FYB2: variants seen among roughly 807,000 people sequenced by gnomAD.
FYB2 encodes the protein FYN binding protein 2, also known as FYN-binding protein 2.
In FYB2, 103 loss-of-function variants were observed where a neutral mutation model predicts 94.1. That is an observed-to-expected ratio of 1.09 (90% CI 0.93 to 1.29). The LOEUF (loss-of-function observed/expected upper bound fraction) is 1.29, where lower values mean the gene tolerates loss of function less well. Ranked by LOEUF, FYB2 falls within the 50% of genes most tolerant of loss-of-function variation. The pLI is 0.00. For missense variants in FYB2, 896 were observed against 841.5 expected (o/e 1.06, Z -0.80); for synonymous variants, 293 against 287.9 (o/e 1.02, Z -0.18).
intron 9 of FYB2, among the ~76,000 whole-genome samples, chr1:56,744,811 G>T (rs746660272): frequency 1.3e-5 from 2 of 151,954 alleles, no homozygotes; most frequent in East Asian, 3.9e-4. Context: ...GTAGATGCTG[G>T]CTTACTTCAC....
chr1:56,822,276 C>T (rs2101142504), upstream of FYB2, among the ~76,000 whole-genome samples: 1 of 152,312 alleles, frequency 6.6e-6, no homozygotes. Flanking sequence ...AGGCTGACTT[C>T]AGAGACCATG....
At chr1:56,767,101 G>A (rs1184635686) in intron 5 of FYB2, among the ~76,000 whole-genome samples, 2 of 152,172 alleles carry the variant, frequency 1.3e-5, no homozygotes, top group African/African-American at 4.8e-5. Context: ...TGTACATGGG[G>A]AACCTAACAC....
chr1:56,763,592 T>A (rs1645551703), intron 5 of FYB2, among the ~76,000 whole-genome samples: 1 of 152,234 alleles, frequency 6.6e-6, no homozygotes. Context: ...GAGTCTATAA[T>A]GATATCCCTG....
intron 1 of FYB2, among the ~76,000 whole-genome samples, chr1:56,796,884 A>T (rs1440997446): frequency 6.6e-6 from 1 of 152,208 alleles, no homozygotes; most frequent in Non-Finnish European, 1.5e-5. Context: ...GTCATCTCAA[A>T]ATATTTGTTG....
intron 1 of FYB2, among the ~76,000 whole-genome samples, chr1:56,793,471 A>G (rs954152499): frequency 3.9e-5 from 6 of 152,216 alleles, no homozygotes; most frequent in African/African-American, 1.4e-4. Context: ...GACAAAGGAC[A>G]TAAACAGAAA....
At chr1:56,809,156 G>A (rs187118725) in intron 1 of FYB2, among the ~76,000 whole-genome samples, 4 of 152,180 alleles carry the variant, frequency 2.6e-5, no homozygotes, top group Non-Finnish European at 5.9e-5. Context: ...GGTGACAGTG[G>A]TGAACAAATG....
At chr1:56,755,765 G>A (rs574767122) in intron 7 of FYB2, 131 bp downstream of exon 7, 1 of 855,656 alleles carries the variant, frequency 1.2e-6, no homozygotes, top group African/African-American at 1.7e-5. Context: ...TAGGCACCTT[G>A]CAAGGTGCCG....
chr1:56,804,934 C>T (rs61765544), intron 1 of FYB2, among the ~76,000 whole-genome samples: 29,792 of 152,102 alleles, frequency 0.2, 3,706 homozygotes, highest in Non-Finnish European at 0.27. Flanking sequence ...CTAACTCACC[C>T]CTGCAGTAAA....
chr1:56,770,432 T>C (rs1645727478), intron 4 of FYB2, among the ~76,000 whole-genome samples: 1 of 152,100 alleles, frequency 6.6e-6, no homozygotes, highest in Non-Finnish European at 1.5e-5. Context: ...AAGAAGATAA[T>C]ACAATTTTGA....
intron 4 of FYB2, among the ~76,000 whole-genome samples, chr1:56,784,805 A>C (rs559332401): frequency 6.6e-6 from 1 of 152,302 alleles, no homozygotes; most frequent in East Asian, 1.9e-4. Context: ...TCTCAGATCA[A>C]CTACATGTCA....
Position 56,719,774 on chromosome 1 carries a change from G to C in FYB2, c.2166-82C>G, listed in dbSNP as rs998988549. Reference sequence around the variant, plus strand: ...AGTGGGAGATTTCTAGGGAATTTCTGATCTAGTTTAATATGTTTGTGTTCT... The same window carrying C: ...AGTGGGAGATTTCTAGGGAATTTCTCATCTAGTTTAATATGTTTGTGTTCT... On this transcript the variant is annotated intron_variant, in intron 19 of 19. Coordinates refer to ENST00000343433, the MANE Select transcript of FYB2 (RefSeq NM_001004303.5). 3.1e-6 allele frequency: 4 copies of C among 1,284,722 alleles called. No homozygotes were observed. In the Admixed American group the frequency reaches 6.0e-5, roughly 19 times the overall value. The allele number at this position is 1,284,722 out of a possible 1,614,324, so 79.6% of individuals were successfully genotyped here.
intron 5 of FYB2, among the ~76,000 whole-genome samples, chr1:56,767,381 C>T (rs1227103946): frequency 6.6e-6 from 1 of 152,170 alleles, no homozygotes; most frequent in African/African-American, 2.4e-5. Context: ...ATCCCCTGCT[C>T]CTATTCAGAC....
chr1:56,821,262 G>A (rs982353596), upstream of FYB2, among the ~76,000 whole-genome samples: 1 of 152,224 alleles, frequency 6.6e-6, no homozygotes, highest in Non-Finnish European at 1.5e-5. Context: ...AGTGGGTGGA[G>A]CAGGGCAGCA....
At chr1:56,791,391 G>T (rs1048110428) in intron 2 of FYB2, among the ~76,000 whole-genome samples, 1 of 152,018 alleles carries the variant, frequency 6.6e-6, no homozygotes, top group African/African-American at 2.4e-5. Flanking sequence ...GAGTAGCTGG[G>T]ATTACAGGCA....
intron 16 of FYB2, among the ~76,000 whole-genome samples, chr1:56,724,738 T>A (rs549975160): frequency 3.9e-5 from 6 of 152,174 alleles, no homozygotes; most frequent in African/African-American, 1.2e-4. Context: ...TCCCTACACA[T>A]TACAATGTCT....
At chr1:56,745,728 G>A (rs1233816035) in intron 9 of FYB2, among the ~76,000 whole-genome samples, 1 of 151,898 alleles carries the variant, frequency 6.6e-6, no homozygotes, top group Admixed American at 6.6e-5. Context: ...TGCCTTTCTT[G>A]TACTTGCAAA....
intron 1 of FYB2, among the ~76,000 whole-genome samples, chr1:56,804,810 A>G (rs1646604038): frequency 6.6e-6 from 1 of 152,136 alleles, no homozygotes; most frequent in Non-Finnish European, 1.5e-5. Flanking sequence ...AAATCTTTCA[A>G]TGGCTCCTTG....
intron 4 of FYB2, among the ~76,000 whole-genome samples, chr1:56,770,046 T>C (rs1451026733): frequency 6.6e-6 from 1 of 151,898 alleles, no homozygotes; most frequent in African/African-American, 2.4e-5. Flanking sequence ...TGAGAAAGGG[T>C]ACACACGAAT....
intron 1 of FYB2, among the ~76,000 whole-genome samples, chr1:56,804,248 T>C (rs573028418): frequency 2.3e-4 from 35 of 152,328 alleles, no homozygotes; most frequent in Non-Finnish European, 5.0e-4. Flanking sequence ...TGCTCACCTT[T>C]GTGGAGCCTA....
Sources: allele counts gnomAD v4.1 joint callset (sites outside exome capture counted in the v4.1 genomes callset), GRCh38; gene constraint gnomAD v4.1.1; transcripts MANE v1.5; gene names NCBI Gene and HGNC (gene_info 2026-07-23, HGNC 2026-07-21).